ZNF532: variants seen among roughly 807,000 people sequenced by gnomAD.
ZNF532 encodes zinc finger protein 532.
Under a neutral mutation model 89.3 loss-of-function variants are expected in ZNF532, and 22 were observed. That is an observed-to-expected ratio of 0.25 (90% CI 0.18 to 0.35). The LOEUF (loss-of-function observed/expected upper bound fraction) is 0.35, where lower values mean the gene tolerates loss of function less well. ZNF532 is among the 10% of genes least tolerant of loss of function. ZNF532 has a pLI of 1.00. For synonymous variants in ZNF532, 606 were observed against 649.6 expected (o/e 0.93, Z 1.02); for missense variants, 1,132 against 1,643.4 (o/e 0.69, Z 5.38).
At chr18:58,951,646 G>GTT (rs3039758) in intron 6 of ZNF532, among the ~76,000 whole-genome samples, 10,995 of 72,198 alleles carry the variant, frequency 0.15, 826 homozygotes, top group South Asian at 0.2. Context: ...TCGCCCTGTT[G>GTT]TTTTTTTTTT....
intron 2 of ZNF532, among the ~76,000 whole-genome samples, chr18:58,889,443 A>G (rs1376076331): frequency 6.6e-6 from 1 of 152,204 alleles, no homozygotes; most frequent in East Asian, 1.9e-4. Flanking sequence ...AACAGCACTT[A>G]TATTAACTTG....
At chr18:58,912,918 G>C (rs549636564) in intron 2 of ZNF532, among the ~76,000 whole-genome samples, 1 of 152,114 alleles carries the variant, frequency 6.6e-6, no homozygotes, top group South Asian at 2.1e-4. Flanking sequence ...AGGCGCGGCT[G>C]ATCAAATTTT....
At chr18:58,910,242 A>G (rs1381098600) in intron 2 of ZNF532, among the ~76,000 whole-genome samples, 2 of 152,184 alleles carry the variant, frequency 1.3e-5, no homozygotes, top group East Asian at 3.8e-4. Flanking sequence ...TTTTTACTAG[A>G]GGATGGTGTT....
chr18:58,898,030 TG>T (rs1049809992), intron 2 of ZNF532, among the ~76,000 whole-genome samples: 2 of 152,248 alleles, frequency 1.3e-5, no homozygotes, highest in Admixed American at 6.5e-5. Context: ...TAAAATTTTT[TG>T]TCAAAGTAAT....
chr18:58,967,614 T>C lies in ZNF532; in HGVS notation c.3151-11441T>C, dbSNP rs118032132. 4.8e-3 allele frequency among the ~76,000 whole-genome samples: 736 copies of C among 152,246 alleles called. 3 individuals are homozygous for C. Among genetic ancestry groups the C allele is most frequent in the Admixed American group, 6.7e-3 (103 of 15,284 alleles). ...TTTTTTCTGCTGTTGTTCAACAGAT[T>C]ATAATCTCCTCAAGGGCATGGAGAG... On this transcript the variant is annotated intron_variant, in intron 7 of 9. Transcript: ENST00000591808.
intron 7 of ZNF532, among the ~76,000 whole-genome samples, chr18:58,966,738 G>GTTTTGTTTTTTT (rs2065949156): frequency 3.2e-5 from 4 of 125,994 alleles, no homozygotes; most frequent in Non-Finnish European, 3.5e-5. Flanking sequence ...ATTTTTTTGT[G>GTTTTGTTTTTTT]TTTTTTTTTT....
Position 58,918,426 on chromosome 18 carries a change from G to A in ZNF532, c.139G>A (p.Gly47Arg), listed in dbSNP as rs760604272. 5.0e-6 allele frequency: 8 copies of A among 1,614,172 alleles called. No individual in the cohort carries two copies. Among genetic ancestry groups the A allele is most frequent in the South Asian group, 4.4e-5 (4 of 91,078 alleles). Residue 47 changes from glycine to arginine, a missense_variant, in exon 3 of 10, where the codon GGA (glycine) becomes AGA (arginine). Gly to Arg is a moderately radical substitution (Grantham distance 125). Around this residue, in one of 9 missense-constraint regions of ZNF532, gnomAD observed 302 missense variants for 319.8 expected, o/e 0.94. Transcript: ENST00000591808. ...HESHMKQNAH[G>R]EDDSHAPSSS... is the part of the protein sequence containing the mutation. The stretch of plus-strand genomic sequence containing the variant: ...AAGCCACATGAAGCAGAATGCTCAC[G>A]GAGAGGATGACTCCCACGCACCATC...
intron 2 of ZNF532, among the ~76,000 whole-genome samples, chr18:58,908,745 G>A (rs530835879): frequency 1.3e-5 from 2 of 152,304 alleles, no homozygotes; most frequent in East Asian, 3.9e-4. Flanking sequence ...ATGACCTGCA[G>A]TTAGATCAAA....
rs2068378034 is a variant in ZNF532 at position 58,986,258 on chromosome 18, A to G, written c.*1792A>G. ...GTTTCTGCATTTGAACCTTGCAATA[A>G]GCCTGTGTGGTAGGCCACATAGGTC... On this transcript the variant is annotated 3_prime_UTR_variant, in exon 10 of 10. Transcript: ENST00000591808. The G allele has an allele frequency of 6.6e-6, 1 of 152,660 alleles. No individual in the cohort carries two copies. The highest frequency in any genetic ancestry group is 2.1e-4 in the South Asian group (1 of 4,824). The allele number at this position is 152,660 out of a possible 1,614,324, so 9.5% of individuals were successfully genotyped here.
chr18:58,899,665 C>T (rs971473935), intron 2 of ZNF532, among the ~76,000 whole-genome samples: 4 of 152,098 alleles, frequency 2.6e-5, no homozygotes, highest in African/African-American at 9.7e-5. Context: ...GACAGGGTTC[C>T]ACCATGTTGA....
At chr18:58,932,608 C>G (rs1334395083) in intron 3 of ZNF532, 2 of 152,158 alleles carry the variant, frequency 1.3e-5, no homozygotes, top group Non-Finnish European at 2.9e-5. Flanking sequence ...GATTCCAGTT[C>G]AAATCCTGGT....
intron 4 of ZNF532, 96 bp downstream of exon 4, chr18:58,934,710 C>A: frequency 8.3e-7 from 1 of 1,209,104 alleles, no homozygotes; most frequent in Non-Finnish European, 1.2e-6. Flanking sequence ...CTGGGTCATA[C>A]GGTGATACCT....
At chr18:58,887,185 G>C (rs966261057) in intron 2 of ZNF532, among the ~76,000 whole-genome samples, 1 of 152,244 alleles carries the variant, frequency 6.6e-6, no homozygotes, top group South Asian at 2.1e-4. Flanking sequence ...GGCCCGAGGG[G>C]CCCTGGGCAG....
At chr18:58,876,317 G>GTGCA (rs1568217357) in intron 2 of ZNF532, among the ~76,000 whole-genome samples, 1 of 152,030 alleles carries the variant, frequency 6.6e-6, no homozygotes, top group African/African-American at 2.4e-5. Flanking sequence ...GTAGCCTCCT[G>GTGCA]GTGCCATTGA....
rs184017398 is a variant in ZNF532, at chr18:58,967,361, C to G, written c.3151-11694C>G. Among the ~76,000 whole-genome samples, 72 of 152,324 alleles carry G rather than the reference C, an allele frequency of 4.7e-4. 1 individual carries two copies. In the Middle Eastern group the frequency reaches 0.01, roughly 22 times the overall value. ...TGCCTCCTTTTCCACCTCTCCTCCC[C>G]CTGGACCCTTGCCTATTCTTGTTCC... On this transcript the variant is annotated intron_variant, in intron 7 of 9. Coordinates refer to ENST00000591808, the MANE Select transcript of ZNF532 (RefSeq NM_001375912.1).
intron 8 of ZNF532, 58 bp downstream of exon 8, chr18:58,979,225 G>T: frequency 7.3e-7 from 1 of 1,370,880 alleles, no homozygotes; most frequent in Admixed American, 1.8e-5. Flanking sequence ...CCTCTGGAAG[G>T]TTTTTAGTGT....
intron 7 of ZNF532, among the ~76,000 whole-genome samples, chr18:58,962,390 T>C (rs1165487413): frequency 6.6e-6 from 1 of 152,220 alleles, no homozygotes; most frequent in Non-Finnish European, 1.5e-5. Context: ...ACCAAGTCTC[T>C]GTGGAAAGCA....
chr18:58,944,236 G>A (rs535416259), intron 5 of ZNF532, among the ~76,000 whole-genome samples: 2 of 152,252 alleles, frequency 1.3e-5, no homozygotes, highest in African/African-American at 4.8e-5. Flanking sequence ...TTTATTTGTT[G>A]TGACACCTGT....
intron 2 of ZNF532, among the ~76,000 whole-genome samples, chr18:58,876,094 G>A (rs540146445): frequency 2.0e-5 from 3 of 152,044 alleles, no homozygotes; most frequent in Non-Finnish European, 4.4e-5. Context: ...CACCATGCCC[G>A]GCTATTTTTT....
Sources: allele counts gnomAD v4.1 joint callset (sites outside exome capture counted in the v4.1 genomes callset), GRCh38; gene constraint gnomAD v4.1.1; regional missense constraint gnomAD v4.1.1; transcripts MANE v1.5; gene names NCBI Gene and HGNC (gene_info 2026-07-23, HGNC 2026-07-21).